TGFB2: variants seen among roughly 807,000 people sequenced by gnomAD.
The protein encoded by TGFB2 is transforming growth factor beta 2.
Under a neutral mutation model 42.7 loss-of-function variants are expected in TGFB2, and 13 were observed. The observed-to-expected ratio is 0.30, with a 90% CI of 0.20 to 0.48. TGFB2 has a LOEUF of 0.48. Ranked by LOEUF, TGFB2 falls within the 20% of genes least tolerant of loss-of-function variation. The pLI is 0.99. For missense variants in TGFB2, 390 were observed against 517.5 expected (o/e 0.75, Z 2.39); for synonymous variants, 193 against 193.6 (o/e 1.00, Z 0.03).
At chr1:218,429,604 A>G (rs1571896955) in intron 2 of TGFB2, among the ~76,000 whole-genome samples, 1 of 152,008 alleles carries the variant, frequency 6.6e-6, no homozygotes. Context: ...TTTTGGCTAT[A>G]TATCTTAAGA....
At chr1:218,367,836 G>T (rs191630702) in intron 1 of TGFB2, among the ~76,000 whole-genome samples, 4 of 151,842 alleles carry the variant, frequency 2.6e-5, no homozygotes, top group African/African-American at 9.7e-5. Flanking sequence ...CTCGCTCCTC[G>T]CTCTGTCACC....
chr1:218,403,953 G>T (rs6688036), intron 1 of TGFB2, among the ~76,000 whole-genome samples: 3 of 148,548 alleles, frequency 2.0e-5, no homozygotes, highest in Non-Finnish European at 4.4e-5. Flanking sequence ...GTAGATGCTT[G>T]ATAAATGAAT....
chr1:218,368,528 C>T (rs1399281404), intron 1 of TGFB2, among the ~76,000 whole-genome samples: 3 of 152,134 alleles, frequency 2.0e-5, no homozygotes, highest in Admixed American at 2.0e-4. Context: ...CCATGGGGAG[C>T]TTACATTCTG....
intron 1 of TGFB2, among the ~76,000 whole-genome samples, chr1:218,371,026 G>A (rs1027444344): frequency 3.3e-5 from 5 of 152,204 alleles, no homozygotes; most frequent in African/African-American, 4.8e-5. Context: ...CTGGCTGGGC[G>A]CAGTGGCTCG....
chr1:218,441,170 C>T, intron 6 of TGFB2, 34 bp from the exon 7 acceptor site: 1 of 1,573,364 alleles, frequency 6.4e-7, no homozygotes, highest in Non-Finnish European at 8.6e-7. Context: ...TCCGTCTTTC[C>T]CTATGTTGTC....
chr1:218,392,644 C>T (rs952195362), intron 1 of TGFB2, among the ~76,000 whole-genome samples: 1 of 152,192 alleles, frequency 6.6e-6, no homozygotes, highest in East Asian at 1.9e-4. Context: ...GAGTTTGATG[C>T]TTATAAGAGA....
At chr1:218,356,224 AT>A (rs34471604) in intron 1 of TGFB2, among the ~76,000 whole-genome samples, 71 of 146,422 alleles carry the variant, frequency 4.8e-4, no homozygotes, top group Admixed American at 1.0e-3. Flanking sequence ...TTTTAGGGGA[AT>A]TTTTTTTTTT....
chr1:218,416,047 G>C (rs961412928), intron 2 of TGFB2, among the ~76,000 whole-genome samples: 6 of 152,142 alleles, frequency 3.9e-5, no homozygotes, highest in South Asian at 2.1e-4. Flanking sequence ...GGACAGAGCA[G>C]GGTTTTGGGG....
intron 2 of TGFB2, among the ~76,000 whole-genome samples, chr1:218,405,994 A>G (rs1487346090): frequency 6.6e-6 from 1 of 152,142 alleles, no homozygotes; most frequent in Non-Finnish European, 1.5e-5. Flanking sequence ...CCTGGGGAAC[A>G]GTCAGTTGAC....
At chr1:218,379,964 C>G (rs974712962) in intron 1 of TGFB2, among the ~76,000 whole-genome samples, 1 of 152,104 alleles carries the variant, frequency 6.6e-6, no homozygotes, top group African/African-American at 2.4e-5. Flanking sequence ...AATACCGATG[C>G]GGTGCTTCAT....
intron 2 of TGFB2, among the ~76,000 whole-genome samples, chr1:218,425,228 G>C (rs146348012): frequency 2.7e-4 from 41 of 152,198 alleles, no homozygotes; most frequent in Non-Finnish European, 5.0e-4. Context: ...TTTTTATTTA[G>C]TTGGAGTCTT....
At chr1:218,353,948 A>G (rs1656950839) in intron 1 of TGFB2, among the ~76,000 whole-genome samples, 1 of 152,176 alleles carries the variant, frequency 6.6e-6, no homozygotes, top group Non-Finnish European at 1.5e-5. Context: ...ACCTCCTTAG[A>G]AAACCTTCCT....
chr1:218,406,826 A>T (rs1658928665), intron 2 of TGFB2, among the ~76,000 whole-genome samples: 1 of 152,134 alleles, frequency 6.6e-6, no homozygotes, highest in Admixed American at 6.5e-5. Flanking sequence ...GTGTAGAGTG[A>T]CACTACAGAG....
At chr1:218,355,994 C>T (rs1237741317) in intron 1 of TGFB2, among the ~76,000 whole-genome samples, 1 of 152,054 alleles carries the variant, frequency 6.6e-6, no homozygotes, top group East Asian at 1.9e-4. Flanking sequence ...AGTGCTATAG[C>T]AGAAGTACAT....
chr1:218,423,871 G>A (rs1659536212), intron 2 of TGFB2, among the ~76,000 whole-genome samples: 1 of 152,200 alleles, frequency 6.6e-6, no homozygotes, highest in Non-Finnish European at 1.5e-5. Context: ...CATACAAGGT[G>A]CGTTTTACTA....
intron 1 of TGFB2, among the ~76,000 whole-genome samples, chr1:218,385,127 A>G (rs1430703824): frequency 6.6e-6 from 1 of 152,066 alleles, no homozygotes; most frequent in East Asian, 1.9e-4. Context: ...TCTTACTGGT[A>G]CTTTCTGGTT....
At chr1:218,385,573 C>T (rs1296199299) in intron 1 of TGFB2, among the ~76,000 whole-genome samples, 1 of 152,160 alleles carries the variant, frequency 6.6e-6, no homozygotes, top group Non-Finnish European at 1.5e-5. Flanking sequence ...TTAACATGAC[C>T]CCATGTCAAG....
intron 1 of TGFB2, among the ~76,000 whole-genome samples, chr1:218,389,119 A>G (rs1001166963): frequency 8.5e-5 from 13 of 152,190 alleles, no homozygotes; most frequent in Non-Finnish European, 1.6e-4. Context: ...AAATGGGGGT[A>G]ATCCTAACCT....
chr1:218,395,951 G>A (rs1483368437), intron 1 of TGFB2, among the ~76,000 whole-genome samples: 3 of 152,138 alleles, frequency 2.0e-5, no homozygotes, highest in African/African-American at 7.2e-5. Flanking sequence ...TTAAAAAATG[G>A]CCTTTGCAGT....
Sources: gnomAD v4.1 joint callset for allele counts (sites outside exome capture counted in the v4.1 genomes callset) on GRCh38, gnomAD v4.1.1 for gene constraint, MANE v1.5 for transcripts, NCBI Gene and HGNC (gene_info 2026-07-23, HGNC 2026-07-21) for gene names.